The following MLYCD variants were observed in gnomAD, a reference collection of about 807,000 sequenced individuals.
The protein encoded by MLYCD is malonyl-CoA decarboxylase, also known as malonyl-CoA decarboxylase, mitochondrial.
MLYCD carries 27 observed loss-of-function variants against 35.8 expected under a neutral mutation model. That is an observed-to-expected ratio of 0.75 (90% confidence interval 0.56 to 1.04). MLYCD has a LOEUF of 1.04. Ranked by LOEUF, MLYCD falls within the 50% of genes least tolerant of loss-of-function variation. The pLI, the probability that MLYCD is intolerant of heterozygous loss-of-function variation, is 0.00. For synonymous variants in MLYCD, 403 were observed against 302.4 expected, an observed-to-expected ratio of 1.33 and a Z score of -3.45; for missense variants, 917 against 665.1, an observed-to-expected ratio of 1.38 and a Z score of -4.17.
Position 83,899,690 on chromosome 16 carries a change from A to ACCG in MLYCD, c.528+18_528+19insCCG. 1 of 1,501,842 alleles carries ACCG rather than the reference A, an allele frequency of 6.7e-7. No individual in the cohort carries two copies. Among genetic ancestry groups the ACCG allele is most frequent in the Admixed American group, 2.1e-5 (1 of 48,260 alleles). 93.0% of individuals were successfully genotyped at this position (1,501,842 alleles called of 1,614,324 possible). A position where few individuals can be genotyped will look rare whatever the true frequency, so the allele number is the denominator to read the frequency against. On this transcript the variant is annotated intron_variant, in intron 1 of 4. Transcript: ENST00000262430. ...ACGTCCGGGTAAGGGGCCGCCGTCG[A>ACCG]TCCCCCGGCAGCGCGGACTGGCCGC...
In MLYCD at chr16:83,918,057, G is replaced by C. The variant is rs572688901; in HGVS notation, c.*2568G>C. 1.3e-5 allele frequency: 2 copies of C among 152,306 alleles called. No individual in the cohort carries two copies. The highest frequency in any genetic ancestry group is 4.8e-5 in the African/African-American group (2 of 41,554). The allele number at this position is 152,306 out of a possible 1,614,324, so 9.4% of individuals were successfully genotyped here. A position where few individuals can be genotyped will look rare whatever the true frequency, so the allele number is the denominator to read the frequency against. On this transcript the variant is annotated 3_prime_UTR_variant, in exon 5 of 5. Coordinates refer to ENST00000262430, the MANE Select transcript of MLYCD (RefSeq NM_012213.3). ...CTAGGAACTAGCACGCCTGAGGTAG[G>C]TCTCGGAATAGTGTTCAAATCCATT... is the stretch of plus-strand genomic sequence containing the variant.
chr16:83,907,082 G>T lies in MLYCD; in HGVS notation c.624G>T (p.Val208=). The change falls in exon 2 of 5, where the codon GTG becomes GTT. Residue 208 remains valine, a synonymous_variant. Coordinates refer to ENST00000262430, the MANE Select transcript of MLYCD (RefSeq NM_012213.3). ...TTACCTGGCATTCACCGTGTGAAGTGCTTCAGAAAATCAGTGAGTAAGTAT... is the reference window on the plus strand; with the variant it reads ...TTACCTGGCATTCACCGTGTGAAGTTCTTCAGAAAATCAGTGAGTAAGTAT... The part of the protein sequence containing the change: ...ERVTWHSPCE[V]LQKISEAEAV... The T allele has an allele frequency of 6.2e-7, 1 of 1,613,822 alleles. No individual in the cohort carries two copies. The highest frequency in any genetic ancestry group is 8.5e-7 in the Non-Finnish European group (1 of 1,179,698).
intron 3 of MLYCD, chr16:83,911,947 A>C (rs1907193780): frequency 2.1e-6 from 1 of 475,356 alleles, no homozygotes; most frequent in Non-Finnish European, 3.8e-6. Context: ...AGAAAGGGGC[A>C]TACATTGCTC....
intron 1 of MLYCD, among the ~76,000 whole-genome samples, chr16:83,905,391 G>A (rs898208403): frequency 6.6e-6 from 1 of 152,150 alleles, no homozygotes; most frequent in Non-Finnish European, 1.5e-5. Flanking sequence ...TTACTATGTA[G>A]TTTATGAGTA....
At chr16:83,912,964 C>G (rs1447596297) in intron 4 of MLYCD, 1 of 171,928 alleles carries the variant, frequency 5.8e-6, no homozygotes, top group Non-Finnish European at 1.3e-5. Flanking sequence ...TTGATGTTCA[C>G]TCCAGGCCTA....
At position 83,916,188 on chromosome 16, in the gene MLYCD, G is replaced by T. The variant is rs928964510; in HGVS notation, c.*699G>T. 7.1e-6 allele frequency: 7 copies of T among 989,230 alleles called. No individual in the cohort carries two copies. The highest frequency in any genetic ancestry group is 8.4e-6 in the Non-Finnish European group (7 of 831,246). 61.3% of individuals were successfully genotyped at this position (989,230 alleles called of 1,614,324 possible). ...TTGTTCTGTAAAGCATTGAACATCTGATTGTGTAGTGGTGGTCGTCTTTAA... is the reference window on the plus strand; with the variant it reads ...TTGTTCTGTAAAGCATTGAACATCTTATTGTGTAGTGGTGGTCGTCTTTAA... On this transcript the variant is annotated 3_prime_UTR_variant, in exon 5 of 5. Coordinates refer to ENST00000262430, the MANE Select transcript of MLYCD (RefSeq NM_012213.3).
Position 83,917,036 on chromosome 16 carries a change from G to A in MLYCD, c.*1547G>A, listed in dbSNP as rs1349607015. 1 of 129,656 alleles carries A rather than the reference G, an allele frequency of 7.7e-6. No individual in the cohort carries two copies. The highest frequency in any genetic ancestry group is 1.6e-5 in the Non-Finnish European group (1 of 60,770). The allele number at this position is 129,656 out of a possible 1,614,324, so 8.0% of individuals were successfully genotyped here. A position where few individuals can be genotyped will look rare whatever the true frequency, so the allele number is the denominator to read the frequency against. On this transcript the variant is annotated 3_prime_UTR_variant, in exon 5 of 5. Coordinates refer to ENST00000262430, the MANE Select transcript of MLYCD (RefSeq NM_012213.3). ...TGTGTCAGTGCACGTCTGTGTGCGT[G>A]TGCACAAGCGTCTCTGTGTGGATCA...
Position 83,915,733 on chromosome 16 carries a change from C to G in MLYCD, c.*244C>G, listed in dbSNP as rs1597295988. On this transcript the variant is annotated 3_prime_UTR_variant, in exon 5 of 5. Transcript: ENST00000262430. ...AAATGAGTGGGTTGCTGTGCTGTCT[C>G]CGGAAGATTCTGTCGTTGCCCTTGG... 5.0e-6 allele frequency: 7 copies of G among 1,389,928 alleles called. No homozygotes were observed. In the East Asian group the frequency reaches 8.5e-5, roughly 17 times the overall value. The allele number at this position is 1,389,928 out of a possible 1,614,324, so 86.1% of individuals were successfully genotyped here. A position where few individuals can be genotyped will look rare whatever the true frequency, so the allele number is the denominator to read the frequency against.
chr16:83,906,480 A>G (rs1348275318), intron 1 of MLYCD, among the ~76,000 whole-genome samples: 1 of 152,200 alleles, frequency 6.6e-6, no homozygotes, highest in Non-Finnish European at 1.5e-5. Flanking sequence ...ATGAAAATGT[A>G]CATCTCTGAG....
At position 83,907,098 on chromosome 16, in the gene MLYCD, GAGTA is replaced by G; in HGVS notation, c.641+4_641+7del. 3 of 1,608,678 alleles carry G rather than the reference GAGTA, an allele frequency of 1.9e-6. No homozygotes were observed. Among genetic ancestry groups the G allele is most frequent in the Non-Finnish European group, 2.6e-6 (3 of 1,175,036 alleles). On this transcript the variant is annotated splice_donor_variant and splice_donor_region_variant and coding_sequence_variant and intron_variant, in exon 2 of 5. Coordinates refer to ENST00000262430, the MANE Select transcript of MLYCD (RefSeq NM_012213.3). LOFTEE classifies it high-confidence loss of function. ...GTGTGAAGTGCTTCAGAAAATCAGT[GAGTA>G]AGTATTACGGTTTTCATTTTCTTTG...
rs1567635671 is a variant in MLYCD, at chr16:83,912,249, CA to C, written c.831del (p.Glu278LysfsTer16). On this transcript the variant is annotated frameshift_variant, in exon 4 of 5. Coordinates refer to ENST00000262430, the MANE Select transcript of MLYCD (RefSeq NM_012213.3). LOFTEE classifies it high-confidence loss of function. ...GTGAAGGAACATCCTCCATCAGAAA[CA>C]GAAGAGAAGAACAAAATCACTGCTG... The part of the protein sequence containing the change: ...AIVKEHPPSE[T>X]EEKNKITAAI... 1 of 1,614,054 alleles carries C rather than the reference CA, an allele frequency of 6.2e-7. No individual in the cohort carries two copies. Among genetic ancestry groups the C allele is most frequent in the Non-Finnish European group, 8.5e-7 (1 of 1,180,032 alleles).
intron 4 of MLYCD, 130 bp from the exon 5 acceptor site, chr16:83,914,826 A>ATCAGATG: frequency 3.1e-6 from 4 of 1,296,662 alleles, no homozygotes; most frequent in Non-Finnish European, 4.4e-6. Flanking sequence ...AACAACATGT[A>ATCAGATG]TCAGATGTCA....
At chr16:83,910,701 A>C (rs1907144459) in intron 3 of MLYCD, among the ~76,000 whole-genome samples, 1 of 151,464 alleles carries the variant, frequency 6.6e-6, no homozygotes, top group Non-Finnish European at 1.5e-5. Context: ...AAAAAAAAAA[A>C]AAAAAAGAAA....
In MLYCD at chr16:83,917,960, C is replaced by G. The variant is rs1043136243; in HGVS notation, c.*2471C>G. On this transcript the variant is annotated 3_prime_UTR_variant, in exon 5 of 5. Transcript: ENST00000262430. Reference sequence around the variant, plus strand: ...CCCGCTGCACAGGCCGCTGGGAGGACGGGCTCAGGTGACATCTGCCGAGGC... The same window carrying G: ...CCCGCTGCACAGGCCGCTGGGAGGAGGGGCTCAGGTGACATCTGCCGAGGC... 2.6e-5 allele frequency: 4 copies of G among 152,182 alleles called. No individual in the cohort carries two copies. The highest frequency in any genetic ancestry group is 5.9e-5 in the Non-Finnish European group (4 of 68,036). 9.4% of individuals were successfully genotyped at this position (152,182 alleles called of 1,614,324 possible).
At chr16:83,912,670 C>A (rs993215361) in intron 4 of MLYCD, 1 of 409,228 alleles carries the variant, frequency 2.4e-6, no homozygotes, top group South Asian at 2.1e-5. Flanking sequence ...GGTCAGGACA[C>A]TCTGGATTTC....
Position 83,915,215 on chromosome 16 carries a change from C to A in MLYCD, c.1208C>A (p.Ala403Asp). 6.2e-7 allele frequency: 1 copy of A among 1,613,972 alleles called. No individual in the cohort carries two copies. Among genetic ancestry groups the A allele is most frequent in the African/African-American group, 1.3e-5 (1 of 75,064 alleles). Reference protein sequence around the residue: ...ALQTPLMRLCAWYLYGEKHRG... With the variant: ...ALQTPLMRLCDWYLYGEKHRG... ...CAGACTCCGCTGATGAGGCTGTGCG[C>A]CTGGTACCTGTATGGAGAGAAGCAC... Residue 403 changes from alanine to aspartate, a missense_variant, in exon 5 of 5, where the codon GCC becomes GAC. Transcript: ENST00000262430.
chr16:83,917,153 G>A lies in MLYCD; in HGVS notation c.*1664G>A, dbSNP rs1015719364. 2 of 122,290 alleles carry A rather than the reference G, an allele frequency of 1.6e-5. No homozygotes were observed. The highest frequency in any genetic ancestry group is 8.9e-5 in the Admixed American group (1 of 11,196). 7.6% of individuals were successfully genotyped at this position (122,290 alleles called of 1,614,324 possible). On this transcript the variant is annotated 3_prime_UTR_variant, in exon 5 of 5. Transcript: ENST00000262430. ...GAGCGTTCTATGTGGATCAGTGCAC[G>A]CCTGTGTGCGTGTGCACGAGCGTCT...
chr16:83,922,036 A>C lies in MLYCD; in HGVS notation c.*6547A>C, dbSNP rs147900084. The C allele has an allele frequency of 1.3e-5, 2 of 151,736 alleles. No individual in the cohort carries two copies. Among genetic ancestry groups the C allele is most frequent in the African/African-American group, 4.8e-5 (2 of 41,374 alleles). The allele number at this position is 151,736 out of a possible 1,614,324, so 9.4% of individuals were successfully genotyped here. On this transcript the variant is annotated 3_prime_UTR_variant, in exon 5 of 5. Coordinates refer to ENST00000262430, the MANE Select transcript of MLYCD (RefSeq NM_012213.3). The stretch of plus-strand genomic sequence containing the variant: ...AACCCTGGGCAACAACTGTGACCAC[A>C]GTGTCTTCCTCTGGAAAGTGCCCAG...
intron 1 of MLYCD, among the ~76,000 whole-genome samples, chr16:83,902,155 G>GTGTATATATATATATA (rs1555537769): frequency 4.6e-5 from 4 of 87,326 alleles, no homozygotes; most frequent in Non-Finnish European, 9.1e-5. Flanking sequence ...GTGTGCGTGC[G>GTGTATATATATATATA]TATATATATA....
Sources: gnomAD v4.1 joint callset for allele counts (sites outside exome capture counted in the v4.1 genomes callset) on GRCh38, gnomAD v4.1.1 for gene constraint, MANE v1.5 for transcripts, NCBI Gene and HGNC (gene_info 2026-07-23, HGNC 2026-07-21) for gene names.